The following PCLO variants were observed in gnomAD, a reference collection of about 807,000 sequenced individuals.
PCLO encodes protein piccolo.
In PCLO, 82 loss-of-function variants were observed where a neutral mutation model predicts 427.5. The observed-to-expected ratio is 0.19, with a 90% CI of 0.16 to 0.23. PCLO has a LOEUF of 0.23. Among genes scored for constraint, PCLO ranks in the 10% least tolerant of loss-of-function variants. The pLI, the probability that PCLO is intolerant of heterozygous loss-of-function variation, is 1.00. For missense variants in PCLO, 6,239 were observed against 6,115.9 expected (o/e 1.02, Z -0.67); for synonymous variants, 2,357 against 2,155.4 (o/e 1.09, Z -2.59).
chr7:82,951,895 C>G lies in PCLO; in HGVS notation c.9058G>C (p.Asp3020His). The G allele has an allele frequency of 6.2e-7, 1 of 1,613,600 alleles. No homozygotes were observed. The highest frequency in any genetic ancestry group is 8.5e-7 in the Non-Finnish European group (1 of 1,179,764). ...CCTGAAGTCAGATCTACTGCTGTGT[C>G]AGTTCCTTCAGAATAATCAAAAGCA... is the stretch of plus-strand genomic sequence containing the variant. The part of the protein sequence containing the change: ...KNAFDYSEGT[D>H]TAVDLTSGRV... Residue 3020 changes from aspartate to histidine, a missense_variant, in exon 5 of 25, where the codon GAC (aspartate) becomes CAC (histidine). Coordinates refer to ENST00000333891, the MANE Select transcript of PCLO (RefSeq NM_033026.6).
At chr7:83,071,115 T>C (rs915825248) in intron 3 of PCLO, among the ~76,000 whole-genome samples, 6 of 152,150 alleles carry the variant, frequency 3.9e-5, no homozygotes, top group Non-Finnish European at 8.8e-5. Flanking sequence ...GTGTTAATTA[T>C]ATTCACACTG....
chr7:82,961,128 T>G (rs147092297), intron 4 of PCLO, among the ~76,000 whole-genome samples: 1 of 152,232 alleles, frequency 6.6e-6, no homozygotes, highest in African/African-American at 2.4e-5. Context: ...AGAGGTAAAT[T>G]AAGAGTATTG....
intron 3 of PCLO, among the ~76,000 whole-genome samples, chr7:82,988,370 GAAGA>G (rs934456177): frequency 2.0e-5 from 3 of 151,822 alleles, no homozygotes; most frequent in Non-Finnish European, 4.4e-5. Context: ...AAACTTAGTG[GAAGA>G]AAGAAGAAAA....
rs1562834097 is a variant in PCLO at position 82,880,622 on chromosome 7, G to A, written c.13529-1160C>T. 3.9e-5 allele frequency among the ~76,000 whole-genome samples: 6 copies of A among 152,120 alleles called. No individual in the cohort carries two copies. The South Asian group carries it at 8.3e-4, about 21-fold the overall frequency. On this transcript the variant is annotated intron_variant, in intron 9 of 24. Transcript: ENST00000333891. ...TCTAGAAACATTTTTGGTTGTCACC[G>A]TGGAACGATGCTACTGGCATTTAGT...
intron 9 of PCLO, among the ~76,000 whole-genome samples, chr7:82,902,061 C>A (rs1794055240): frequency 6.6e-6 from 1 of 151,784 alleles, no homozygotes; most frequent in South Asian, 2.1e-4. Context: ...TTTGACCCAG[C>A]CATCCCATTA....
chr7:82,773,614 C>G (rs1391929221), intron 22 of PCLO, among the ~76,000 whole-genome samples: 1 of 152,130 alleles, frequency 6.6e-6, no homozygotes, highest in Non-Finnish European at 1.5e-5. Context: ...CCTTTCTAAA[C>G]ACTATTTTTC....
Position 82,754,650 on chromosome 7 carries a change from T to G in PCLO, c.*3925A>C, listed in dbSNP as rs2129467351. On this transcript the variant is annotated 3_prime_UTR_variant, in exon 25 of 25. Transcript: ENST00000333891. Reference sequence around the variant, plus strand: ...CTATCAGATAAAGAATTTGATTAAATAATTTTGGCCTAATGGATACCTTTA... The same window carrying G: ...CTATCAGATAAAGAATTTGATTAAAGAATTTTGGCCTAATGGATACCTTTA... 6.6e-6 allele frequency: 1 copy of G among 152,252 alleles called. No individual in the cohort carries two copies. Among genetic ancestry groups the G allele is most frequent in the Non-Finnish European group, 1.5e-5 (1 of 67,952 alleles). 9.4% of individuals were successfully genotyped at this position (152,252 alleles called of 1,614,324 possible). A position where few individuals can be genotyped will look rare whatever the true frequency, so the allele number is the denominator to read the frequency against.
At chr7:83,126,242 G>A (rs929117848) in intron 3 of PCLO, among the ~76,000 whole-genome samples, 1 of 152,196 alleles carries the variant, frequency 6.6e-6, no homozygotes, top group Admixed American at 6.5e-5. Context: ...ATAGTGGGTG[G>A]AGCAGGGCTG....
chr7:82,839,891 T>C (rs941323632), intron 14 of PCLO, among the ~76,000 whole-genome samples: 8 of 151,892 alleles, frequency 5.3e-5, no homozygotes. Flanking sequence ...AAATGAGCCT[T>C]TGCTAAAATA....
chr7:83,056,456 A>G (rs1489027730), intron 3 of PCLO, among the ~76,000 whole-genome samples: 1 of 152,206 alleles, frequency 6.6e-6, no homozygotes, highest in Non-Finnish European at 1.5e-5. Context: ...GTTAACAGAA[A>G]TAATACAAAT....
At position 83,038,055 on chromosome 7, in the gene PCLO, AT is replaced by A. The variant is rs1199026663; in HGVS notation, c.3301-71569del. Among the ~76,000 whole-genome samples the A allele has an allele frequency of 6.7e-4, 35 of 52,168 alleles. 2 individuals are homozygous for A. Among genetic ancestry groups the A allele is most frequent in the African/African-American group, 2.3e-3 (31 of 13,514 alleles). The allele number at this position is 52,168 out of a possible 152,430, so 34.2% of individuals were successfully genotyped here. The stretch of plus-strand genomic sequence containing the variant: ...TTTATATATTTATATATATATCTTT[AT>A]ATATATATTTATATATTTATATATA... On this transcript the variant is annotated intron_variant, in intron 3 of 24. Coordinates refer to ENST00000333891, the MANE Select transcript of PCLO (RefSeq NM_033026.6).
chr7:82,869,617 A>C (rs1007847107), intron 10 of PCLO, among the ~76,000 whole-genome samples: 1 of 151,968 alleles, frequency 6.6e-6, no homozygotes, highest in South Asian at 2.1e-4. Context: ...AAACAGTGTG[A>C]TATCGGTGTA....
chr7:82,790,377 C>A (rs1791077277), intron 22 of PCLO, among the ~76,000 whole-genome samples: 1 of 152,180 alleles, frequency 6.6e-6, no homozygotes, highest in East Asian at 1.9e-4. Flanking sequence ...CAGAACTATG[C>A]TACAGTCAGG....
At chr7:82,801,412 C>T in intron 22 of PCLO, 106 bp downstream of exon 22, 2 of 630,374 alleles carry the variant, frequency 3.2e-6, no homozygotes, top group Non-Finnish European at 5.7e-6. Context: ...TTGCTTTTGC[C>T]ATTAGTTTGT....
Position 82,950,190 on chromosome 7 carries a change from CTT to C in PCLO, c.10396_10397del (p.Lys3466GlufsTer9). ...SYVSRRRRTK[K>X]SVDTSVQTDD... is the part of the protein sequence containing the mutation. ...CAGTTTGGACGCTTGTATCCACACTCTTTTTAGTTCTCCTTCTCCTACTCACA... is the reference window on the plus strand; with the variant it reads ...CAGTTTGGACGCTTGTATCCACACTCTTTAGTTCTCCTTCTCCTACTCACA... On this transcript the variant is annotated frameshift_variant, in exon 6 of 25. Transcript: ENST00000333891. LOFTEE classifies it high-confidence loss of function. The C allele has an allele frequency of 6.2e-7, 1 of 1,611,824 alleles. No individual in the cohort carries two copies. The highest frequency in any genetic ancestry group is 8.5e-7 in the Non-Finnish European group (1 of 1,179,580).
chr7:82,883,471 A>G (rs1055082191), intron 9 of PCLO, among the ~76,000 whole-genome samples: 4 of 152,196 alleles, frequency 2.6e-5, no homozygotes, highest in African/African-American at 9.6e-5. Flanking sequence ...TTTGTTCATT[A>G]ATTCTCAAAC....
rs1444482066 is a variant in PCLO at position 83,155,551 on chromosome 7, G to C, written c.1090C>G (p.Gln364Glu). The C allele has an allele frequency of 6.2e-7, 1 of 1,613,032 alleles. No homozygotes were observed. The highest frequency in any genetic ancestry group is 8.5e-7 in the Non-Finnish European group (1 of 1,179,438). ...GGAGGCTTAGCAGGACCAAGAGGCTGAGCTGGAGGCTTTGTTGTCCCTGGT... is the reference window on the plus strand; with the variant it reads ...GGAGGCTTAGCAGGACCAAGAGGCTCAGCTGGAGGCTTTGTTGTCCCTGGT... ...QPPGTTKPPA[Q>E]PLGPAKPPAQ... The change falls in exon 2 of 25, where the codon CAG becomes GAG. Residue 364 changes from glutamine to glutamate, a missense_variant. By Grantham distance (29) the Gln-to-Glu change is conservative (BLOSUM62 2). This residue lies in a region of PCLO where 4,677 missense variants were observed against 4,468.4 expected (regional missense o/e 1.05). Coordinates refer to ENST00000333891, the MANE Select transcript of PCLO (RefSeq NM_033026.6).
Position 83,134,218 on chromosome 7 carries a change from AATATATATATATATATAT to A in PCLO, c.3300+14_3300+31del. The stretch of plus-strand genomic sequence containing the variant: ...AACCCACAGACTCACCTCCATATGT[AATATATATATATATATAT>A]ATATATAACTTACCTCAGTCAAATG... On this transcript the variant is annotated intron_variant, in intron 3 of 24. Transcript: ENST00000333891. 1 of 428,842 alleles carries A rather than the reference AATATATATATATATATAT, an allele frequency of 2.3e-6. No homozygotes were observed. The highest frequency in any genetic ancestry group is 3.5e-6 in the Non-Finnish European group (1 of 288,032). The allele number at this position is 428,842 out of a possible 1,614,324, so 26.6% of individuals were successfully genotyped here.
At chr7:83,046,923 A>G (rs1237708685) in intron 3 of PCLO, among the ~76,000 whole-genome samples, 2 of 152,062 alleles carry the variant, frequency 1.3e-5, no homozygotes, top group South Asian at 2.1e-4. Context: ...AGAAAAATCA[A>G]TATGAGACAA....
Sources: allele counts gnomAD v4.1 joint callset (sites outside exome capture counted in the v4.1 genomes callset), GRCh38; gene constraint gnomAD v4.1.1; regional missense constraint gnomAD v4.1.1; transcripts MANE v1.5; gene names NCBI Gene and HGNC (gene_info 2026-07-23, HGNC 2026-07-21).